Variants in SNX25 observed in about 807,000 individuals in gnomAD.
The protein encoded by SNX25 is sorting nexin-25.
Under a neutral mutation model 113.7 loss-of-function variants are expected in SNX25, and 62 were observed. That is an observed-to-expected ratio of 0.55 (90% CI 0.44 to 0.67). The LOEUF (loss-of-function observed/expected upper bound fraction) is 0.67, where lower values mean the gene tolerates loss of function less well. Ranked by LOEUF, SNX25 falls within the 30% of genes least tolerant of loss-of-function variation. The pLI, the probability that SNX25 is intolerant of heterozygous loss-of-function variation, is 0.00. For synonymous variants in SNX25, 421 were observed against 436.2 expected (o/e 0.97, Z 0.43); for missense variants, 1,014 against 1,161.0 (o/e 0.87, Z 1.84).
chr4:185,376,832 A>G, the SNX25 span: 1 of 980,284 alleles, frequency 1.0e-6, no homozygotes, highest in Admixed American at 2.0e-5. Flanking sequence ...ACAGTAAGAA[A>G]CTCTACATGA....
rs1356064528 is a variant in SNX25, at chr4:185,239,904, G to C, written c.430-7390G>C. On this transcript the variant is annotated intron_variant, in intron 1 of 18. Coordinates refer to ENST00000652585, the MANE Select transcript of SNX25 (RefSeq NM_001378034.2). ...AGGTCTCTGGTTTTCCTAGGCAGAG[G>C]ACCCTGCGGCCTTCCGCAGTGTTTG... 4.9e-3 allele frequency among the ~76,000 whole-genome samples: 728 copies of C among 149,852 alleles called. 4 individuals carry two copies. Among genetic ancestry groups the C allele is most frequent in the African/African-American group, 0.016 (671 of 40,964 alleles).
At chr4:185,263,183 G>A (rs1040036085) in intron 3 of SNX25, among the ~76,000 whole-genome samples, 7 of 152,114 alleles carry the variant, frequency 4.6e-5, no homozygotes, top group African/African-American at 7.2e-5. Flanking sequence ...ACTGTGTACC[G>A]TTTGAGAGAG....
intron 1 of SNX25, chr4:185,204,477 T>TA (rs1249300358): frequency 1.3e-5 from 2 of 152,204 alleles, no homozygotes; most frequent in African/African-American, 4.8e-5. Flanking sequence ...GGTGGGTAGT[T>TA]AAAACAATCT....
chr4:185,247,197 A>G, intron 1 of SNX25, 97 bp from the exon 2 acceptor site: 2 of 787,252 alleles, frequency 2.5e-6, no homozygotes, highest in South Asian at 1.7e-5. Context: ...CCTTATCTTA[A>G]TGCTTGTTTA....
chr4:185,302,981 C>T (rs1753929830), intron 6 of SNX25, among the ~76,000 whole-genome samples: 1 of 152,192 alleles, frequency 6.6e-6, no homozygotes, highest in Admixed American at 6.5e-5. Flanking sequence ...ACCAACTCTA[C>T]TCACCCTCTC....
intron 1 of SNX25, among the ~76,000 whole-genome samples, chr4:185,240,370 G>A (rs1743581474): frequency 6.6e-6 from 1 of 151,572 alleles, no homozygotes; most frequent in Non-Finnish European, 1.5e-5. Flanking sequence ...TCACCTCCCG[G>A]ACGGGGCGGC....
At chr4:185,282,921 G>T (rs1159108863) in intron 5 of SNX25, among the ~76,000 whole-genome samples, 1 of 152,168 alleles carries the variant, frequency 6.6e-6, no homozygotes, top group Non-Finnish European at 1.5e-5. Context: ...GGAAGCCCGT[G>T]TCCCCGTGTC....
chr4:185,321,645 C>A (rs903420898), intron 8 of SNX25, among the ~76,000 whole-genome samples: 3 of 152,150 alleles, frequency 2.0e-5, no homozygotes, highest in Admixed American at 1.3e-4. Context: ...TCCCAATAAT[C>A]AGCATCATGC....
At chr4:185,267,879 G>A (rs996596746) in intron 5 of SNX25, among the ~76,000 whole-genome samples, 13 of 152,108 alleles carry the variant, frequency 8.5e-5, no homozygotes, top group Non-Finnish European at 1.6e-4. Flanking sequence ...AAAGTAAGCT[G>A]GAGAAAAGAA....
intron 1 of SNX25, among the ~76,000 whole-genome samples, chr4:185,239,253 G>A (rs928899688): frequency 1.7e-4 from 16 of 94,228 alleles, no homozygotes; most frequent in East Asian, 3.8e-4. Flanking sequence ...AGGCCAAGGC[G>A]GGCAGATCAC....
intron 6 of SNX25, among the ~76,000 whole-genome samples, chr4:185,293,556 C>A (rs994821266): frequency 2.6e-5 from 4 of 152,150 alleles, no homozygotes; most frequent in Non-Finnish European, 5.9e-5. Flanking sequence ...AACCTATAGA[C>A]AGAAAGCAGG....
chr4:185,324,008 G>T (rs151099432), intron 9 of SNX25, among the ~76,000 whole-genome samples: 1 of 152,178 alleles, frequency 6.6e-6, no homozygotes, highest in Non-Finnish European at 1.5e-5. Flanking sequence ...CTGGTTGTAT[G>T]TATTTCTTTC....
chr4:185,245,565 C>T (rs1165270029), intron 1 of SNX25, among the ~76,000 whole-genome samples: 1 of 152,108 alleles, frequency 6.6e-6, no homozygotes, highest in Non-Finnish European at 1.5e-5. Flanking sequence ...ACTCAAACTC[C>T]TGACCTCAAG....
chr4:185,206,804 G>A (rs1051484298), upstream of SNX25, among the ~76,000 whole-genome samples: 1 of 152,122 alleles, frequency 6.6e-6, no homozygotes, highest in Non-Finnish European at 1.5e-5. Flanking sequence ...GAACTCTGAT[G>A]ATACACCCTT....
intron 1 of SNX25, 35 bp from the exon 2 acceptor site, chr4:185,247,259 G>A: frequency 3.6e-6 from 5 of 1,382,724 alleles, no homozygotes; most frequent in Non-Finnish European, 5.0e-6. Flanking sequence ...TATTCATTCA[G>A]TAATCTGCTT....
In SNX25 at chr4:185,363,478, A is replaced by G. The variant is rs1030549163; in HGVS notation, c.*13A>G. 4 of 1,612,214 alleles carry G rather than the reference A, an allele frequency of 2.5e-6. No individual in the cohort carries two copies. The East Asian group carries it at 8.9e-5, about 36-fold the overall frequency. On this transcript the variant is annotated 3_prime_UTR_variant, in exon 19 of 19. Transcript: ENST00000652585. The surrounding 1 kb of genome is among the most constrained non-coding windows in gnomAD (Gnocchi z 4.2). The stretch of plus-strand genomic sequence containing the variant: ...TGGCCAAGTTTGAGACTACACAAAT[A>G]AACCACCAGAAAAATGTCTGTGTAA...
chr4:185,287,890 C>G (rs896899497), intron 5 of SNX25, 122 bp from the exon 6 acceptor site: 32 of 785,354 alleles, frequency 4.1e-5, no homozygotes, highest in African/African-American at 3.9e-4. Flanking sequence ...TTTTATGGAG[C>G]CTTGGGCAGG....
At chr4:185,333,395 A>T (rs1360489719) in intron 10 of SNX25, among the ~76,000 whole-genome samples, 1 of 152,206 alleles carries the variant, frequency 6.6e-6, no homozygotes, top group Non-Finnish European at 1.5e-5. Flanking sequence ...ACATGAAAGC[A>T]ACTTAGAATA....
intron 6 of SNX25, among the ~76,000 whole-genome samples, chr4:185,298,212 C>A (rs1352815205): frequency 3.9e-5 from 6 of 151,932 alleles, no homozygotes; most frequent in Non-Finnish European, 8.8e-5. Flanking sequence ...CCTCAGCCTC[C>A]TGACTAGCTG....
Sources: allele counts gnomAD v4.1 joint callset (sites outside exome capture counted in the v4.1 genomes callset), GRCh38; gene constraint gnomAD v4.1.1; non-coding constraint Gnocchi (gnomAD v3.1); transcripts MANE v1.5; gene names NCBI Gene and HGNC (gene_info 2026-07-23, HGNC 2026-07-21).